The following PARP12 variants were observed in gnomAD, a reference collection of about 807,000 sequenced individuals.
The protein encoded by PARP12 is protein mono-ADP-ribosyltransferase PARP12.
A neutral mutation model predicts 72.4 loss-of-function variants in PARP12; 59 were observed. The observed-to-expected ratio is 0.81, with a 90% CI of 0.66 to 1.01. The LOEUF is 1.01. Among genes scored for constraint, PARP12 ranks in the 50% least tolerant of loss-of-function variants. The pLI is 0.00. For synonymous variants in PARP12, 403 were observed against 371.4 expected (o/e 1.09, Z -0.98); for missense variants, 851 against 914.0 (o/e 0.93, Z 0.89).
At chr7:140,057,330 C>T in intron 2 of PARP12, 177 bp from the exon 3 acceptor site, 1 of 662,858 alleles carries the variant, frequency 1.5e-6, no homozygotes, top group Non-Finnish European at 2.5e-6. Context: ...ATGCCCTTGG[C>T]TAAAAGGGGA....
intron 7 of PARP12, among the ~76,000 whole-genome samples, chr7:140,035,676 G>A (rs955421290): frequency 2.6e-5 from 4 of 152,174 alleles, no homozygotes; most frequent in Non-Finnish European, 5.9e-5. Context: ...ACTCATTTGG[G>A]CTCTTTTGTG....
intron 11 of PARP12, among the ~76,000 whole-genome samples, 170 bp from the exon 12 acceptor site, chr7:140,025,055 T>C (rs532785061): frequency 6.6e-6 from 1 of 152,280 alleles, no homozygotes; most frequent in African/African-American, 2.4e-5. Flanking sequence ...TGAAGTCACA[T>C]GCATCAGTGA....
intron 4 of PARP12, among the ~76,000 whole-genome samples, chr7:140,052,986 T>G (rs562583083): frequency 1.5e-4 from 23 of 152,316 alleles, no homozygotes; most frequent in African/African-American, 5.3e-4. Context: ...ACTGAAACTC[T>G]CACACGTTGC....
At chr7:140,037,454 T>C (rs913969899) in intron 7 of PARP12, among the ~76,000 whole-genome samples, 1 of 152,230 alleles carries the variant, frequency 6.6e-6, no homozygotes, top group African/African-American at 2.4e-5. Context: ...GCTACATGCA[T>C]GCTGACCCTG....
intron 5 of PARP12, among the ~76,000 whole-genome samples, chr7:140,042,205 G>T (rs1276826518): frequency 6.6e-6 from 1 of 152,202 alleles, no homozygotes; most frequent in African/African-American, 2.4e-5. Context: ...GCCAGACCCT[G>T]CATTAAGCAC....
chr7:140,057,185 C>T (rs376880512), intron 2 of PARP12, 32 bp from the exon 3 acceptor site: 3 of 1,590,262 alleles, frequency 1.9e-6, no homozygotes, highest in Non-Finnish European at 2.6e-6. Context: ...ACCACCAGTT[C>T]AGGAAGGTCT....
chr7:140,035,995 G>C (rs1195435376), intron 7 of PARP12, among the ~76,000 whole-genome samples: 977 of 27,296 alleles, frequency 0.036, 133 homozygotes, highest in Non-Finnish European at 0.042. Flanking sequence ...AGGAGGAGGA[G>C]GAGGAGAAGG....
At chr7:140,037,491 C>T (rs149657062) in intron 7 of PARP12, among the ~76,000 whole-genome samples, 1 of 152,338 alleles carries the variant, frequency 6.6e-6, no homozygotes, top group African/African-American at 2.4e-5. Flanking sequence ...GGGGCTCCTG[C>T]CCCTCCTGGG....
intron 7 of PARP12, among the ~76,000 whole-genome samples, chr7:140,035,927 A>AAGG (rs141105005): frequency 2.6e-5 from 1 of 38,058 alleles, no homozygotes; most frequent in African/African-American, 1.8e-4. Flanking sequence ...GGAGGAGGAC[A>AAGG]AGGAGGAGGA....
chr7:140,062,785 C>T lies in PARP12; in HGVS notation c.63G>A (p.Leu21=), dbSNP rs1341512888. The change falls in exon 1 of 12, where the codon CTG becomes CTA. Residue 21 remains leucine, a synonymous_variant. Transcript: ENST00000263549. The stretch of plus-strand genomic sequence containing the variant: ...AGCGGCGCCGCAGCTCGGGCAACTC[C>T]AGGGCGCCCCCGGCCGCGCACAGCA... The part of the protein sequence containing the change: ...TQVLCAAGGA[L]ELPELRRRLR... The T allele has an allele frequency of 4.3e-6, 6 of 1,409,764 alleles. No individual in the cohort carries two copies. Among genetic ancestry groups the T allele is most frequent in the African/African-American group, 3.0e-5 (2 of 67,010 alleles). 87.3% of individuals were successfully genotyped at this position (1,409,764 alleles called of 1,614,324 possible).
chr7:140,057,635 C>G (rs777485752), intron 2 of PARP12: 7 of 485,932 alleles, frequency 1.4e-5, no homozygotes, highest in Non-Finnish European at 2.2e-5. Flanking sequence ...ATGGAGCACA[C>G]TGAGAGGCTC....
chr7:140,042,582 G>A (rs757325526), intron 5 of PARP12, among the ~76,000 whole-genome samples: 1 of 152,198 alleles, frequency 6.6e-6, no homozygotes, highest in Non-Finnish European at 1.5e-5. Context: ...GTCTGAGTAC[G>A]GCAGGAGGCT....
At chr7:140,061,039 C>T (rs1817423963) in intron 1 of PARP12, among the ~76,000 whole-genome samples, 1 of 152,196 alleles carries the variant, frequency 6.6e-6, no homozygotes, top group Non-Finnish European at 1.5e-5. Flanking sequence ...AGAGTCGTCA[C>T]CTCTCACATA....
Position 140,034,327 on chromosome 7 carries a change from G to A in PARP12, c.1329C>T (p.Phe443=), listed in dbSNP as rs373525023. The change falls in exon 8 of 12, where the codon TTC becomes TTT. Residue 443 remains phenylalanine, a synonymous_variant. Transcript: ENST00000263549. ...TGCCATAGACCAGGTTTTTCTGAAC[G>A]AAGGCTGAAAAAAAACATAACCAGT... ...KHNYELDFKA[F]VQKNLVYGTT... The A allele has an allele frequency of 8.5e-5, 137 of 1,608,236 alleles. No individual in the cohort carries two copies. Among genetic ancestry groups the A allele is most frequent in the Non-Finnish European group, 1.1e-4 (132 of 1,176,876 alleles).
chr7:140,061,476 A>G (rs1285635299), intron 1 of PARP12, among the ~76,000 whole-genome samples: 2 of 152,196 alleles, frequency 1.3e-5, no homozygotes, highest in Non-Finnish European at 2.9e-5. Context: ...CAAAACAGGG[A>G]GCAAGCAAGA....
chr7:140,026,483 C>A, intron 10 of PARP12, 135 bp from the exon 11 acceptor site: 1 of 1,076,494 alleles, frequency 9.3e-7, no homozygotes, highest in Non-Finnish European at 1.2e-6. Context: ...CACAGGCTAC[C>A]CTGACTAGGC....
intron 1 of PARP12, among the ~76,000 whole-genome samples, chr7:140,060,308 T>C (rs761320021): frequency 6.6e-6 from 1 of 152,112 alleles, no homozygotes; most frequent in Non-Finnish European, 1.5e-5. Context: ...AGTAGAGGAC[T>C]AAGAGTCAGG....
chr7:140,028,527 G>A, intron 9 of PARP12, 86 bp downstream of exon 9: 1 of 1,179,456 alleles, frequency 8.5e-7, no homozygotes, highest in Non-Finnish European at 1.2e-6. Context: ...AGCTTCTTCA[G>A]TGTTGAGGAA....
At chr7:140,057,176 C>A (rs1817221876) in intron 2 of PARP12, 23 bp from the exon 3 acceptor site, 4 of 1,600,516 alleles carry the variant, frequency 2.5e-6, no homozygotes, top group East Asian at 2.2e-5. Flanking sequence ...AGGGAAAAAA[C>A]CACCAGTTCA....
Sources: gnomAD v4.1 joint callset for allele counts (sites outside exome capture counted in the v4.1 genomes callset) on GRCh38, gnomAD v4.1.1 for gene constraint, MANE v1.5 for transcripts, NCBI Gene and HGNC (gene_info 2026-07-23, HGNC 2026-07-21) for gene names.